Variants in GET1 observed in about 807,000 individuals in gnomAD.
GET1 encodes the protein congenital heart disease 5 protein.
In GET1, 20 loss-of-function variants were observed where a neutral mutation model predicts 22.6. That is an observed-to-expected ratio of 0.89 (90% CI 0.62 to 1.29). The LOEUF (loss-of-function observed/expected upper bound fraction) is 1.29. Ranked by LOEUF, GET1 falls within the 50% of genes most tolerant of loss-of-function variation. The pLI is 0.00. For synonymous variants in GET1, 92 were observed against 83.8 expected (o/e 1.10, Z -0.53); for missense variants, 209 against 219.9 (o/e 0.95, Z 0.31).
intron 1 of GET1, chr21:39,420,993 A>C: frequency 1.9e-6 from 1 of 528,642 alleles, no homozygotes; most frequent in Non-Finnish European, 3.2e-6. Context: ...ATTGGAATGA[A>C]GTATAACCGA....
chr21:39,411,361 A>C (rs1229404685), downstream of GET1, among the ~76,000 whole-genome samples: 2 of 152,216 alleles, frequency 1.3e-5, no homozygotes, highest in Non-Finnish European at 2.9e-5. Flanking sequence ...GATGCATTTT[A>C]TTGAGGTCAA....
rs2038116043 is a variant in GET1, at chr21:39,389,012, G to A, written c.103-1686G>A. Reference sequence around the variant, plus strand: ...TGGAAACCACAGATCTCCAATTGAAGCCAACACCACAAGATTCATTCTGCT... The same window carrying A: ...TGGAAACCACAGATCTCCAATTGAAACCAACACCACAAGATTCATTCTGCT... On this transcript the variant is annotated intron_variant, in intron 1 of 4. Transcript: ENST00000649170. Among the ~76,000 whole-genome samples, 3 of 152,178 alleles carry A rather than the reference G, an allele frequency of 2.0e-5. No individual in the cohort carries two copies. In the South Asian group the frequency reaches 6.2e-4, roughly 32 times the overall value.
intron 1 of GET1, among the ~76,000 whole-genome samples, chr21:39,387,164 A>G (rs1289169718): frequency 1.3e-5 from 2 of 152,106 alleles, no homozygotes; most frequent in Non-Finnish European, 2.9e-5. Flanking sequence ...GACAGTTTTT[A>G]TTGTGCTTAT....
intron 1 of GET1, among the ~76,000 whole-genome samples, chr21:39,413,060 C>T (rs897862568): frequency 6.6e-6 from 1 of 152,120 alleles, no homozygotes; most frequent in Non-Finnish European, 1.5e-5. Context: ...CAGCAGGGGA[C>T]AATCACCAGG....
intron 1 of GET1, among the ~76,000 whole-genome samples, chr21:39,390,077 G>A (rs1198364601): frequency 6.7e-6 from 1 of 149,076 alleles, no homozygotes; most frequent in Non-Finnish European, 1.5e-5. Context: ...TCGTTATAGG[G>A]AGCCGAAAAA....
At chr21:39,414,760 G>C (rs2040833104) in intron 1 of GET1, among the ~76,000 whole-genome samples, 1 of 151,358 alleles carries the variant, frequency 6.6e-6, no homozygotes, top group African/African-American at 2.4e-5. Flanking sequence ...GTGTGTGTGT[G>C]TGTGTGTGTG....
intron 4 of GET1, among the ~76,000 whole-genome samples, chr21:39,395,783 G>T (rs895099507): frequency 6.6e-6 from 1 of 152,154 alleles, no homozygotes; most frequent in East Asian, 1.9e-4. Context: ...CTGCACTGCG[G>T]CCAGAGAAGC....
Position 39,380,334 on chromosome 21 carries a change from G to GGTCCCCATGGAGCTGCC in GET1, c.-48_-32dup. On this transcript the variant is annotated 5_prime_UTR_variant, in exon 1 of 5. It adds an upstream start codon to the 5' untranslated region. Coordinates refer to ENST00000649170, the MANE Select transcript of GET1 (RefSeq NM_004627.6). ...CAGGCGCGGTCGCCGCTGTTGTTGT[G>GGTCCCCATGGAGCTGCC]GTCCCCATGGAGCTGCCGTAGCGGA... 1.3e-6 allele frequency: 2 copies of GGTCCCCATGGAGCTGCC among 1,553,770 alleles called. No individual in the cohort carries two copies. Among genetic ancestry groups the GGTCCCCATGGAGCTGCC allele is most frequent in the Non-Finnish European group, 1.7e-6 (2 of 1,148,720 alleles).
chr21:39,421,916 A>T (rs2073830373), intron 1 of GET1: 1 of 152,248 alleles, frequency 6.6e-6, no homozygotes, highest in African/African-American at 2.4e-5. Context: ...GGTTTTATGT[A>T]TAGATATAAA....
chr21:39,425,917 A>G (rs2074608477), intron 1 of GET1: 1 of 152,296 alleles, frequency 6.6e-6, no homozygotes, highest in Admixed American at 6.5e-5. Flanking sequence ...ACTAAACGCC[A>G]TGGCCACAGG....
chr21:39,395,875 C>G (rs1169900669), intron 4 of GET1, among the ~76,000 whole-genome samples: 1 of 152,168 alleles, frequency 6.6e-6, no homozygotes, highest in Admixed American at 6.5e-5. Flanking sequence ...ATATGTATGC[C>G]TCTCCATTAT....
Position 39,397,396 on chromosome 21 carries a change from C to CT in GET1, c.*457_*458insT, listed in dbSNP as rs1171287723. On this transcript the variant is annotated 3_prime_UTR_variant, in exon 5 of 5. Coordinates refer to ENST00000649170, the MANE Select transcript of GET1 (RefSeq NM_004627.6). ...AAAATTCGAAAATTTCTTCTTTAAT[C>CT]ACATTCAATATGGTTAAAAGAACAA... 3 of 159,498 alleles carry CT rather than the reference C, an allele frequency of 1.9e-5. No homozygotes were observed. Among genetic ancestry groups the CT allele is most frequent in the African/African-American group, 7.2e-5 (3 of 41,488 alleles). The allele number at this position is 159,498 out of a possible 1,614,324, so 9.9% of individuals were successfully genotyped here.
chr21:39,389,116 A>C, intron 1 of GET1, among the ~76,000 whole-genome samples: 4 of 148,230 alleles, frequency 2.7e-5, no homozygotes, highest in African/African-American at 5.0e-5. Flanking sequence ...TCCTTCCTTC[A>C]CCAGGTTATG....
chr21:39,403,698 T>C (rs535173657), intron 4 of GET1, among the ~76,000 whole-genome samples: 2 of 152,122 alleles, frequency 1.3e-5, no homozygotes, highest in African/African-American at 4.8e-5. Context: ...CTTGGCTCAC[T>C]GCAACCTCTG....
intron 1 of GET1, among the ~76,000 whole-genome samples, chr21:39,383,892 C>G (rs1402119549): frequency 6.6e-6 from 1 of 152,204 alleles, no homozygotes; most frequent in African/African-American, 2.4e-5. Context: ...AGGTGCATGC[C>G]ACCATGCTGG....
downstream of GET1, among the ~76,000 whole-genome samples, chr21:39,400,411 G>C (rs1290101421): frequency 1.3e-5 from 2 of 152,222 alleles, no homozygotes; most frequent in Non-Finnish European, 2.9e-5. Context: ...TAGGGCCAGA[G>C]ACTATTCCTT....
chr21:39,409,928 T>G, downstream of GET1: 2 of 1,061,750 alleles, frequency 1.9e-6, no homozygotes, highest in South Asian at 2.7e-5. The surrounding 1 kb of genome is among the most constrained non-coding windows in gnomAD (Gnocchi z 4.2). Context: ...ATATAGTAAT[T>G]CACAATTTTA....
At chr21:39,414,808 A>G (rs530759244) in intron 1 of GET1, among the ~76,000 whole-genome samples, 56 of 138,450 alleles carry the variant, frequency 4.0e-4, no homozygotes, top group African/African-American at 1.3e-3. Flanking sequence ...GTGATTGTCT[A>G]TGTTTGGTTT....
At chr21:39,423,141 T>TA in intron 1 of GET1, 1 of 1,613,868 alleles carries the variant, frequency 6.2e-7, no homozygotes, top group South Asian at 1.1e-5. Context: ...GTTTCCTAGA[T>TA]AGAGTTCTTT....
Sources: gnomAD v4.1 joint callset for allele counts (sites outside exome capture counted in the v4.1 genomes callset) on GRCh38, gnomAD v4.1.1 for gene constraint, Gnocchi (gnomAD v3.1) non-coding constraint, MANE v1.5 for transcripts, NCBI Gene and HGNC (gene_info 2026-07-23, HGNC 2026-07-21) for gene names.